Variants in XPO1 observed in about 807,000 individuals in gnomAD.
XPO1 encodes exportin 1, also known as exportin-1.
In XPO1, 5 loss-of-function variants were observed where a neutral mutation model predicts 133.3. The observed-to-expected ratio is 0.04, with a 90% CI of 0.02 to 0.08. The LOEUF (loss-of-function observed/expected upper bound fraction) is 0.08. XPO1 is among the 10% of genes least tolerant of loss of function. XPO1 has a pLI of 1.00. For missense variants in XPO1, 506 were observed against 1,267.5 expected, an observed-to-expected ratio of 0.40 and a Z score of 9.12; for synonymous variants, 419 against 408.2, an observed-to-expected ratio of 1.03 and a Z score of -0.32.
chr2:61,492,752 C>G lies in XPO1; in HGVS notation c.1385-4G>C, dbSNP rs758813822. On this transcript the variant is annotated splice_polypyrimidine_tract_variant and splice_region_variant and intron_variant, in intron 13 of 24. Transcript: ENST00000401558. This position sits in a 1 kb window ranked among gnomAD's most constrained non-coding sequence, Gnocchi z 5.6. ...TAATCCAGATGAGTAAGATAAACTA[C>G]AAAGAAAAACATGGTTTCAAATGCA... is the stretch of plus-strand genomic sequence containing the variant. The G allele has an allele frequency of 1.9e-6, 3 of 1,609,096 alleles. No homozygotes were observed. The South Asian group carries it at 3.3e-5, about 18-fold the overall frequency.
Position 61,488,601 on chromosome 2 carries a change from A to G in XPO1, c.2193T>C (p.Ala731=), listed in dbSNP as rs1307254011. The G allele has an allele frequency of 3.7e-6, 6 of 1,613,640 alleles. No homozygotes were observed. The highest frequency in any genetic ancestry group is 5.1e-6 in the Non-Finnish European group (6 of 1,179,718). The change falls in exon 18 of 25, where the codon GCT becomes GCC. Residue 731 remains alanine, a synonymous_variant. Transcript: ENST00000401558. The stretch of plus-strand genomic sequence containing the variant: ...AGAATCACCTACCATTAGCTTGGAT[A>G]GCTGCAGAAATATTTTCACTGAGGC... ...YKCLSENISA[A]IQANGEMVTK...
At chr2:61,506,614 A>AAAAAAAAT (rs1697829972) in intron 4 of XPO1, among the ~76,000 whole-genome samples, 1 of 151,208 alleles carries the variant, frequency 6.6e-6, no homozygotes, top group African/African-American at 2.4e-5. Flanking sequence ...AAAAAAAAAA[A>AAAAAAAAT]ATCCAATGTT....
chr2:61,492,217 T>G lies in XPO1; in HGVS notation c.1724-19A>C, dbSNP rs1697034565. 6.2e-7 allele frequency: 1 copy of G among 1,612,062 alleles called. No homozygotes were observed. The highest frequency in any genetic ancestry group is 1.7e-5 in the Admixed American group (1 of 59,502). On this transcript the variant is annotated intron_variant, in intron 15 of 24. Transcript: ENST00000401558. The surrounding 1 kb of genome is among the most constrained non-coding windows in gnomAD (Gnocchi z 5.6). ...TGGGTCTCTAACAAGACAAAAATATTCATTTATTTTGTCCTGGACTCCATC... is the reference window on the plus strand; with the variant it reads ...TGGGTCTCTAACAAGACAAAAATATGCATTTATTTTGTCCTGGACTCCATC...
Position 61,534,117 on chromosome 2 carries a change from A to C in XPO1, c.-6-214T>G, listed in dbSNP as rs184581497. 16 of 420,722 alleles carry C rather than the reference A, an allele frequency of 3.8e-5. No individual in the cohort carries two copies. The East Asian group carries it at 6.8e-4, about 18-fold the overall frequency. The allele number at this position is 420,722 out of a possible 1,614,324, so 26.1% of individuals were successfully genotyped here. ...TTACATAAATTATTATGGTCCATTC[A>C]ACTTTTCTAGTGTTTAGTTTATACA... On this transcript the variant is annotated intron_variant, in intron 1 of 24. Coordinates refer to ENST00000401558, the MANE Select transcript of XPO1 (RefSeq NM_003400.4).
At chr2:61,519,721 A>C (rs1407233134) in intron 4 of XPO1, among the ~76,000 whole-genome samples, 1 of 148,194 alleles carries the variant, frequency 6.7e-6, no homozygotes, top group Non-Finnish European at 1.5e-5. Flanking sequence ...AAAAAAAAAA[A>C]AACACCACGT....
chr2:61,510,990 C>G (rs889323641), intron 4 of XPO1, among the ~76,000 whole-genome samples: 14 of 149,378 alleles, frequency 9.4e-5, no homozygotes, highest in African/African-American at 3.5e-4. Context: ...GGATCAAACA[C>G]TGTTAGGTAT....
intron 3 of XPO1, among the ~76,000 whole-genome samples, chr2:61,524,564 A>T (rs535281359): frequency 4.4e-4 from 67 of 152,342 alleles, no homozygotes; most frequent in African/African-American, 1.5e-3. Flanking sequence ...CCTAAAATCC[A>T]ATCTCTCCCA....
At chr2:61,494,169 A>G in intron 11 of XPO1, 78 bp from the exon 12 acceptor site, 1 of 1,304,608 alleles carries the variant, frequency 7.7e-7, no homozygotes, top group South Asian at 1.4e-5. Flanking sequence ...GTTACACCTT[A>G]AGGGAAAATA....
rs954531491 is a variant in XPO1, at chr2:61,496,757, T to G, written c.888+122A>C. 12 of 1,160,730 alleles carry G rather than the reference T, an allele frequency of 1.0e-5. No individual in the cohort carries two copies. In the Admixed American group the frequency reaches 2.4e-4, roughly 23 times the overall value. 71.9% of individuals were successfully genotyped at this position (1,160,730 alleles called of 1,614,324 possible). ...AATTTGTAGCTTACTACAAATTTTATGTAATAAACAAAAGATTATGGCTTA... is the reference window on the plus strand; with the variant it reads ...AATTTGTAGCTTACTACAAATTTTAGGTAATAAACAAAAGATTATGGCTTA... On this transcript the variant is annotated intron_variant, in intron 10 of 24. Transcript: ENST00000401558.
intron 4 of XPO1, among the ~76,000 whole-genome samples, chr2:61,516,242 C>T (rs11678419): frequency 0.63 from 94,646 of 149,584 alleles, 29,980 homozygotes; most frequent in Middle Eastern, 0.71. Flanking sequence ...GAGGCGGAGG[C>T]TGCAGTGAGT....
intron 19 of XPO1, among the ~76,000 whole-genome samples, chr2:61,486,986 C>CT (rs879523625): frequency 0.018 from 2,522 of 143,056 alleles, 70 homozygotes; most frequent in African/African-American, 0.054. Flanking sequence ...ACTTCTTGTT[C>CT]TTTTTTTTTT....
At chr2:61,517,475 T>C (rs1698451729) in intron 4 of XPO1, among the ~76,000 whole-genome samples, 2 of 152,064 alleles carry the variant, frequency 1.3e-5, no homozygotes. Flanking sequence ...GTCCTAGCTA[T>C]TTTGGCAGGC....
chr2:61,526,681 T>C, intron 2 of XPO1, among the ~76,000 whole-genome samples, 160 bp from the exon 3 acceptor site: 1 of 150,746 alleles, frequency 6.6e-6, no homozygotes, highest in Non-Finnish European at 1.5e-5. Flanking sequence ...GAAATAGAAA[T>C]AAAATTATAT....
chr2:61,488,286 C>G lies in XPO1; in HGVS notation c.2207-15G>C, dbSNP rs1573116521. On this transcript the variant is annotated splice_polypyrimidine_tract_variant and intron_variant, in intron 18 of 24. Coordinates refer to ENST00000401558, the MANE Select transcript of XPO1 (RefSeq NM_003400.4). ...AACCATTTCACCTACAAAACAGAAT[C>G]AAATGGAATCTAATTTTACCACTAA... 12 of 1,607,034 alleles carry G rather than the reference C, an allele frequency of 7.5e-6. No individual in the cohort carries two copies. In the South Asian group the frequency reaches 1.2e-4, roughly 16 times the overall value.
chr2:61,485,105 C>T (rs1426000535), intron 20 of XPO1: 1 of 152,190 alleles, frequency 6.6e-6, no homozygotes, highest in Non-Finnish European at 1.5e-5. Context: ...GTCTTGAACT[C>T]CCGACCTCAG....
rs746973614 is a variant in XPO1, at chr2:61,496,735, T to A, written c.888+144A>T. On this transcript the variant is annotated intron_variant, in intron 10 of 24. Transcript: ENST00000401558. Reference sequence around the variant, plus strand: ...AAATTTTTGGAAACATCATAAAAATTTGTAGCTTACTACAAATTTTATGTA... The same window carrying A: ...AAATTTTTGGAAACATCATAAAAATATGTAGCTTACTACAAATTTTATGTA... 1.1e-4 allele frequency: 110 copies of A among 1,042,290 alleles called. 1 individual carries two copies. The highest frequency in any genetic ancestry group is 1.2e-4 in the Non-Finnish European group (97 of 786,742). The allele number at this position is 1,042,290 out of a possible 1,614,324, so 64.6% of individuals were successfully genotyped here. A position where few individuals can be genotyped will look rare whatever the true frequency, so the allele number is the denominator to read the frequency against.
intron 19 of XPO1, among the ~76,000 whole-genome samples, chr2:61,487,636 G>A (rs563622659): frequency 4.8e-4 from 73 of 151,996 alleles, no homozygotes; most frequent in Non-Finnish European, 9.4e-4. Context: ...AGAATGAAAC[G>A]ATACAGTTAA....
At chr2:61,501,731 A>AAG (rs1343458959) in intron 6 of XPO1, among the ~76,000 whole-genome samples, 8 of 137,270 alleles carry the variant, frequency 5.8e-5, no homozygotes, top group Admixed American at 2.3e-4. Context: ...CAAAAAAAAA[A>AAG]AAAAAAGAAA....
At chr2:61,538,521 T>G (rs1699452574), upstream of XPO1, 4 of 147,938 alleles carry the variant, frequency 2.7e-5, no homozygotes, top group Non-Finnish European at 3.0e-5. Flanking sequence ...GCCCGCAGAG[T>G]GGGGGAGGGG....
Sources: gnomAD v4.1 joint callset for allele counts (sites outside exome capture counted in the v4.1 genomes callset) on GRCh38, gnomAD v4.1.1 for gene constraint, Gnocchi (gnomAD v3.1) non-coding constraint, MANE v1.5 for transcripts, NCBI Gene and HGNC (gene_info 2026-07-23, HGNC 2026-07-21) for gene names.